Variants in USP36 observed in about 807,000 individuals in gnomAD.
The protein encoded by USP36 is ubiquitin carboxyl-terminal hydrolase 36.
Under a neutral mutation model 111.5 loss-of-function variants are expected in USP36, and 59 were observed. The ratio of observed to expected loss-of-function variants is 0.53; its 90% confidence interval spans 0.43 to 0.66. The LOEUF (loss-of-function observed/expected upper bound fraction) is 0.66. Among genes scored for constraint, USP36 ranks in the 30% least tolerant of loss-of-function variants. The probability of loss-of-function intolerance (pLI) is 0.00; values close to 1 mark genes in which losing one functional copy is unlikely to be tolerated. For missense variants in USP36, 1,488 were observed against 1,468.0 expected (o/e 1.01, Z -0.22); for synonymous variants, 628 against 581.0 (o/e 1.08, Z -1.16).
Position 78,798,199 on chromosome 17 carries a change from GCATCCCA to G in USP36, c.*20+194_*20+200del, listed in dbSNP as rs2093660346. 1 of 588,496 alleles carries G rather than the reference GCATCCCA, an allele frequency of 1.7e-6. No homozygotes were observed. Among genetic ancestry groups the G allele is most frequent in the African/African-American group, 2.1e-5 (1 of 48,566 alleles). The allele number at this position is 588,496 out of a possible 1,614,324, so 36.5% of individuals were successfully genotyped here. A position where few individuals can be genotyped will look rare whatever the true frequency, so the allele number is the denominator to read the frequency against. The stretch of plus-strand genomic sequence containing the variant: ...CCCACACACACCCCCTTATACACAC[GCATCCCA>G]CACACACCCTTCTCCAAGTGACTAG... On this transcript the variant is annotated intron_variant, in intron 20 of 20. Transcript: ENST00000449938. This position sits in a 1 kb window ranked among gnomAD's most constrained non-coding sequence, Gnocchi z 5.1.
At chr17:78,811,808 C>T (rs1226289765) in intron 13 of USP36, among the ~76,000 whole-genome samples, 1 of 151,902 alleles carries the variant, frequency 6.6e-6, no homozygotes, top group Non-Finnish European at 1.5e-5. Flanking sequence ...GTGGAGGTTG[C>T]AGCGAGCCAA....
At chr17:78,791,341 G>T (rs1283629176), downstream of USP36, among the ~76,000 whole-genome samples, 5 of 151,652 alleles carry the variant, frequency 3.3e-5, no homozygotes. Flanking sequence ...TCCATGTTGT[G>T]TCCTGACCTC....
chr17:78,836,188 T>C lies in USP36; in HGVS notation c.176A>G (p.Lys59Arg), dbSNP rs1335984228. ...FSYQLEALKS[K>R]YVLLNPKTEG... ...TGTTTTGGGGTTGAGCAACACATAT[T>C]TGCTCTTTAAGGCCTCCAGCTGGTA... The change falls in exon 3 of 21, where the codon AAA (lysine) becomes AGA (arginine). Residue 59 changes from lysine (K) to arginine (R), a missense_variant. Transcript: ENST00000449938. The C allele has an allele frequency of 6.2e-7, 1 of 1,614,118 alleles. No individual in the cohort carries two copies. Among genetic ancestry groups the C allele is most frequent in the Non-Finnish European group, 8.5e-7 (1 of 1,180,028 alleles).
intron 3 of USP36, among the ~76,000 whole-genome samples, chr17:78,788,738 C>T (rs2093556834): frequency 6.6e-6 from 1 of 152,104 alleles, no homozygotes; most frequent in Non-Finnish European, 1.5e-5. Flanking sequence ...CATCAGAACA[C>T]CAGACACCAG....
intron 10 of USP36, among the ~76,000 whole-genome samples, chr17:78,815,494 C>T (rs1308769401): frequency 2.0e-5 from 3 of 152,180 alleles, no homozygotes; most frequent in Admixed American, 6.5e-5. Context: ...TGGTTCCTAA[C>T]GATCAAATGA....
chr17:78,817,967 C>T (rs1219024504), intron 10 of USP36, among the ~76,000 whole-genome samples: 1 of 152,010 alleles, frequency 6.6e-6, no homozygotes. Context: ...TGCCCACAGT[C>T]CCAGCTACTC....
At chr17:78,831,798 A>G (rs11649885) in intron 4 of USP36, among the ~76,000 whole-genome samples, 60,830 of 151,542 alleles carry the variant, frequency 0.4, 14,480 homozygotes, top group Non-Finnish European at 0.53. Context: ...ACAAAAAAAA[A>G]ATTAGCTGGG....
At chr17:78,815,911 T>C (rs999338706) in intron 10 of USP36, among the ~76,000 whole-genome samples, 1 of 151,874 alleles carries the variant, frequency 6.6e-6, no homozygotes, top group Non-Finnish European at 1.5e-5. Context: ...CACGCACACA[T>C]GCATACGCAC....
At chr17:78,821,572 C>A (rs1003931987) in intron 7 of USP36, among the ~76,000 whole-genome samples, 1 of 151,352 alleles carries the variant, frequency 6.6e-6, no homozygotes, top group East Asian at 1.9e-4. Flanking sequence ...GGATTGCAGG[C>A]ATGTGCCACC....
Position 78,795,762 on chromosome 17 carries a change from G to C in USP36, c.*2138C>G, listed in dbSNP as rs2093619579. 1 of 152,328 alleles carries C rather than the reference G, an allele frequency of 6.6e-6. No individual in the cohort carries two copies. Among genetic ancestry groups the C allele is most frequent in the African/African-American group, 2.4e-5 (1 of 41,452 alleles). The allele number at this position is 152,328 out of a possible 1,614,324, so 9.4% of individuals were successfully genotyped here. The stretch of plus-strand genomic sequence containing the variant: ...GGACACAGACCTCTGCACACACACA[G>C]GTGCGGCCATGCAACCAGGACGCGG... On this transcript the variant is annotated 3_prime_UTR_variant, in exon 21 of 21. Transcript: ENST00000449938. The surrounding 1 kb of genome is among the most constrained non-coding windows in gnomAD (Gnocchi z 4.5).
Position 78,821,978 on chromosome 17 carries a change from G to A in USP36, c.716C>T (p.Thr239Ile), listed in dbSNP as rs1481646389. 1.9e-6 allele frequency: 3 copies of A among 1,614,114 alleles called. No homozygotes were observed. Residue 239 changes from threonine (T) to isoleucine (I), a missense_variant, in exon 7 of 21, where the codon ACC becomes ATC. Physicochemically the swap from Thr to Ile is moderately conservative, Grantham distance 89 (BLOSUM62 -1). Around this residue, in one of 3 missense-constraint regions of USP36, gnomAD observed 196 missense variants for 264.4 expected, o/e 0.74. Coordinates refer to ENST00000449938, the MANE Select transcript of USP36 (RefSeq NM_001385174.1). ...AKLDRQTQAT[T>I]LVHQIFGGYL... Reference sequence around the variant, plus strand: ...CCCTCCAAAAATTTGATGGACCAAGGTAGTAGCCTGCGTTTGACGATCCAA... The same window carrying A: ...CCCTCCAAAAATTTGATGGACCAAGATAGTAGCCTGCGTTTGACGATCCAA...
At chr17:78,816,517 T>G (rs1279451325) in intron 10 of USP36, among the ~76,000 whole-genome samples, 6 of 152,040 alleles carry the variant, frequency 3.9e-5, no homozygotes, top group Admixed American at 3.9e-4. Flanking sequence ...TCCCAGCTAC[T>G]TGGGAGGCTG....
chr17:78,809,512 G>C (rs1307936242), intron 13 of USP36, among the ~76,000 whole-genome samples: 3 of 152,120 alleles, frequency 2.0e-5, no homozygotes, highest in African/African-American at 4.8e-5. Flanking sequence ...TAATGAAAAT[G>C]CTCATGGTCA....
In USP36 at chr17:78,813,004, G is replaced by A. The variant is rs754681589; in HGVS notation, c.1266-3C>T. The stretch of plus-strand genomic sequence containing the variant: ...GACTTTTCTTAGAGCCTGGAATTCT[G>A]TCAAAGGAAGAAAACAAGTAGGGAA... On this transcript the variant is annotated splice_region_variant and splice_polypyrimidine_tract_variant and intron_variant, in intron 12 of 20. Coordinates refer to ENST00000449938, the MANE Select transcript of USP36 (RefSeq NM_001385174.1). The A allele has an allele frequency of 1.9e-6, 3 of 1,613,842 alleles. No homozygotes were observed. The highest frequency in any genetic ancestry group is 1.7e-6 in the Non-Finnish European group (2 of 1,179,892).
chr17:78,821,346 C>G, intron 7 of USP36: 1 of 267,598 alleles, frequency 3.7e-6, no homozygotes, highest in Non-Finnish European at 7.2e-6. Context: ...GAGGGAAGAG[C>G]TGCCTCCTCC....
chr17:78,821,365 G>A (rs543626329), intron 7 of USP36: 72 of 209,172 alleles, frequency 3.4e-4, no homozygotes, highest in African/African-American at 1.8e-3. Context: ...CCCTGCACGC[G>A]TGCACGGCAC....
Position 78,802,428 on chromosome 17 carries a change from C to T in USP36, c.2918G>A (p.Gly973Glu), listed in dbSNP as rs1435101139. The T allele has an allele frequency of 6.2e-7, 1 of 1,612,762 alleles. No individual in the cohort carries two copies. Among genetic ancestry groups the T allele is most frequent in the African/African-American group, 1.3e-5 (1 of 75,030 alleles). ...QETQRAVEED[G>E]HLKCPRSAKP... ...GGCACTCCTTGGGCATTTGAGATGC[C>T]CATCCTCTTCTACTGCCCGCTGTGT... The change falls in exon 17 of 21, where the codon GGG (glycine) becomes GAG (glutamate). Residue 973 changes from glycine (G) to glutamate (E), a missense_variant. Gly to Glu is a moderately conservative substitution (Grantham distance 98). Coordinates refer to ENST00000449938, the MANE Select transcript of USP36 (RefSeq NM_001385174.1).
intron 2 of USP36, among the ~76,000 whole-genome samples, chr17:78,837,588 C>A (rs1046071740): frequency 2.6e-5 from 4 of 152,154 alleles, no homozygotes; most frequent in African/African-American, 7.2e-5. Context: ...CAAGAAGAGA[C>A]CCCTGCACCT....
At chr17:78,833,518 A>G (rs1264050382) in intron 4 of USP36, among the ~76,000 whole-genome samples, 2 of 152,120 alleles carry the variant, frequency 1.3e-5, no homozygotes, top group Admixed American at 1.3e-4. Context: ...CTCAGAATTT[A>G]TCGGAGCCTC....
Sources: allele counts gnomAD v4.1 joint callset (sites outside exome capture counted in the v4.1 genomes callset), GRCh38; gene constraint gnomAD v4.1.1; regional missense constraint gnomAD v4.1.1; non-coding constraint Gnocchi (gnomAD v3.1); transcripts MANE v1.5; gene names NCBI Gene and HGNC (gene_info 2026-07-23, HGNC 2026-07-21).